SLC12A7: variants seen among roughly 807,000 people sequenced by gnomAD.
SLC12A7 encodes solute carrier family 12 member 7, also known as K-Cl cotransporter 4.
Under a neutral mutation model 120.6 loss-of-function variants are expected in SLC12A7, and 100 were observed. The ratio of observed to expected loss-of-function variants is 0.83; its 90% confidence interval spans 0.71 to 0.98. The LOEUF is 0.98. Ranked by LOEUF, SLC12A7 falls within the 50% of genes least tolerant of loss-of-function variation. The pLI is 0.00. For synonymous variants in SLC12A7, 760 were observed against 678.0 expected, an observed-to-expected ratio of 1.12 and a Z score of -1.88; for missense variants, 1,373 against 1,548.1, an observed-to-expected ratio of 0.89 and a Z score of 1.90.
At chr5:1,122,276 G>T in the SLC12A7 span, among the ~76,000 whole-genome samples, 1 of 152,294 alleles carries the variant, frequency 6.6e-6, no homozygotes, top group East Asian at 1.9e-4. Flanking sequence ...GCTGTGCGAG[G>T]CGGGGTGGGA....
At chr5:1,079,787 T>C (rs1738801512) in intron 9 of SLC12A7, among the ~76,000 whole-genome samples, 1 of 151,520 alleles carries the variant, frequency 6.6e-6, no homozygotes, top group Non-Finnish European at 1.5e-5. Flanking sequence ...CTCTGGAGCC[T>C]GTGTTAATCC....
intron 17 of SLC12A7, among the ~76,000 whole-genome samples, chr5:1,067,764 A>G (rs1413051089): frequency 2.0e-5 from 3 of 152,092 alleles, no homozygotes; most frequent in Non-Finnish European, 4.4e-5. Context: ...AGGACGCGGC[A>G]CTGCCCTGGC....
chr5:1,149,048 G>A, the SLC12A7 span, among the ~76,000 whole-genome samples: 1 of 151,194 alleles, frequency 6.6e-6, no homozygotes, highest in Non-Finnish European at 1.5e-5. Flanking sequence ...TGTGTCTACC[G>A]TGAATGATGC....
chr5:1,137,322 G>A, the SLC12A7 span, among the ~76,000 whole-genome samples: 5 of 152,070 alleles, frequency 3.3e-5, no homozygotes, highest in Admixed American at 1.3e-4. Context: ...GGACTCCGAA[G>A]GACAAGGATC....
chr5:1,095,728 C>G (rs1404025226), intron 1 of SLC12A7, among the ~76,000 whole-genome samples: 1 of 152,258 alleles, frequency 6.6e-6, no homozygotes, highest in Non-Finnish European at 1.5e-5. Flanking sequence ...CCAGAGCCCA[C>G]TGGCGGCCAC....
intron 3 of SLC12A7, 73 bp from the exon 4 acceptor site, chr5:1,089,201 T>G: frequency 6.5e-7 from 1 of 1,545,048 alleles, no homozygotes; most frequent in Non-Finnish European, 8.7e-7. Flanking sequence ...CAGGCTGCAC[T>G]CAGGCCCTGG....
intron 13 of SLC12A7, 29 bp downstream of exon 13, chr5:1,076,665 C>T: frequency 6.4e-7 from 1 of 1,559,788 alleles, no homozygotes. Context: ...ATACACCCAT[C>T]CCCAGGTCCC....
At chr5:1,101,544 C>G (rs1477490519) in intron 1 of SLC12A7, among the ~76,000 whole-genome samples, 1 of 152,254 alleles carries the variant, frequency 6.6e-6, no homozygotes, top group Non-Finnish European at 1.5e-5. Context: ...TGCTGCCCTC[C>G]TCCTCAGCCA....
At chr5:1,094,553 C>T (rs567372606) in intron 1 of SLC12A7, among the ~76,000 whole-genome samples, 1 of 152,352 alleles carries the variant, frequency 6.6e-6, no homozygotes, top group South Asian at 2.1e-4. Context: ...AGCTCCAGGG[C>T]ATACGCTATC....
At position 1,057,660 on chromosome 5, in the gene SLC12A7, C is replaced by T. The variant is rs773611420; in HGVS notation, c.2848-11G>A. 14 of 1,588,514 alleles carry T rather than the reference C, an allele frequency of 8.8e-6. No individual in the cohort carries two copies. The highest frequency in any genetic ancestry group is 1.1e-5 in the South Asian group (1 of 89,430). ...GTGGATCAGCTGGGCCTGGCGGGCC[C>T]GGGACTTGGTGAGACCAGCCGGTCT... On this transcript the variant is annotated splice_polypyrimidine_tract_variant and intron_variant, in intron 21 of 23. Transcript: ENST00000264930.
chr5:1,144,835 C>T, the SLC12A7 span, among the ~76,000 whole-genome samples: 26 of 152,260 alleles, frequency 1.7e-4, no homozygotes, highest in Non-Finnish European at 2.9e-4. Context: ...ACTGCCATCC[C>T]GGCTGCGCAT....
At chr5:1,088,796 C>T (rs756595928) in intron 4 of SLC12A7, among the ~76,000 whole-genome samples, 186 bp downstream of exon 4, 11 of 152,312 alleles carry the variant, frequency 7.2e-5, no homozygotes, top group South Asian at 4.1e-4. Context: ...CGCAGCTGCC[C>T]GGCTCTCGTG....
chr5:1,104,490 A>G (rs1313744564), intron 1 of SLC12A7, among the ~76,000 whole-genome samples: 1 of 152,126 alleles, frequency 6.6e-6, no homozygotes, highest in Non-Finnish European at 1.5e-5. Flanking sequence ...AACCAAGCAC[A>G]CGGGCATGCT....
intron 1 of SLC12A7, among the ~76,000 whole-genome samples, chr5:1,103,022 C>T (rs76406984): frequency 3.3e-5 from 5 of 152,154 alleles, no homozygotes; most frequent in African/African-American, 4.8e-5. Context: ...AGGATCCGAA[C>T]GCCAGCTGAC....
rs1182138567 is a variant in SLC12A7, at chr5:1,074,589, G to A, written c.2050C>T (p.Pro684Ser). The A allele has an allele frequency of 6.2e-6, 10 of 1,612,526 alleles. No individual in the cohort carries two copies. The highest frequency in any genetic ancestry group is 4.0e-5 in the African/African-American group (3 of 74,938). ...RYALLRVEHG[P>S]PHTKNWRPQV... ...CACCTCCAGTTCTTGGTGTGGGGGG[G>A]ACCGTGCTCCACGCGCAGCAGGGCG... The change falls in exon 16 of 24, where the codon CCC (proline) becomes TCC (serine). Residue 684 changes from proline (P) to serine (S), a missense_variant. Pro to Ser is a moderately conservative substitution (Grantham distance 74, BLOSUM62 -1). Coordinates refer to ENST00000264930, the MANE Select transcript of SLC12A7 (RefSeq NM_006598.3).
At chr5:1,100,072 C>CCGGCCGGGCTGGGCTCCCACA (rs1741865388) in intron 1 of SLC12A7, among the ~76,000 whole-genome samples, 1 of 152,190 alleles carries the variant, frequency 6.6e-6, no homozygotes, top group African/African-American at 2.4e-5. Flanking sequence ...CTCCTCCTAC[C>CCGGCCGGGCTGGGCTCCCACA]CGGCCGGGCT....
intron 22 of SLC12A7, among the ~76,000 whole-genome samples, chr5:1,054,681 G>A (rs533832524): frequency 2.0e-5 from 3 of 152,344 alleles, no homozygotes; most frequent in East Asian, 1.9e-4. Context: ...GACAGAGGCC[G>A]CCCATGCAGG....
intron 3 of SLC12A7, among the ~76,000 whole-genome samples, chr5:1,090,662 C>A (rs888649020): frequency 1.3e-5 from 2 of 152,198 alleles, no homozygotes; most frequent in Non-Finnish European, 1.5e-5. Context: ...ACAGGCAGAG[C>A]TCCAGGCAGA....
rs1427134167 is a variant in SLC12A7 at position 1,082,973 on chromosome 5, C to CCA, written c.1129+771_1129+772insTG. Among the ~76,000 whole-genome samples, 3 of 94,154 alleles carry CCA rather than the reference C, an allele frequency of 3.2e-5. 1 individual carries two copies. The highest frequency in any genetic ancestry group is 8.5e-5 in the Non-Finnish European group (3 of 35,170). 61.8% of individuals were successfully genotyped at this position (94,154 alleles called of 152,430 possible). A position where few individuals can be genotyped will look rare whatever the true frequency, so the allele number is the denominator to read the frequency against. ...TCGGGTTCTGGAAAGCCTGGGCTTCCTCTCTAGGGTTCTGGAAAGTCCGGG... is the reference window on the plus strand; with the variant it reads ...TCGGGTTCTGGAAAGCCTGGGCTTCCCATCTCTAGGGTTCTGGAAAGTCCGGG... On this transcript the variant is annotated intron_variant, in intron 8 of 23. Coordinates refer to ENST00000264930, the MANE Select transcript of SLC12A7 (RefSeq NM_006598.3).
Sources: gnomAD v4.1 joint callset for allele counts (sites outside exome capture counted in the v4.1 genomes callset) on GRCh38, gnomAD v4.1.1 for gene constraint, MANE v1.5 for transcripts, NCBI Gene and HGNC (gene_info 2026-07-23, HGNC 2026-07-21) for gene names.